The following UBR4 variants were observed in gnomAD, a reference collection of about 807,000 sequenced individuals.
UBR4 encodes ubiquitin protein ligase E3 component n-recognin 4, also known as E3 ubiquitin-protein ligase UBR4.
UBR4 carries 124 observed loss-of-function variants against 575.6 expected under a neutral mutation model. The ratio of observed to expected loss-of-function variants is 0.22; its 90% CI spans 0.19 to 0.25. The LOEUF (loss-of-function observed/expected upper bound fraction) is 0.25, where lower values mean the gene tolerates loss of function less well. Ranked by LOEUF, UBR4 falls within the 10% of genes least tolerant of loss-of-function variation. The pLI is 1.00. For synonymous variants in UBR4, 2,455 were observed against 2,473.7 expected, an observed-to-expected ratio of 0.99 and a Z score of 0.22; for missense variants, 4,818 against 6,478.8, an observed-to-expected ratio of 0.74 and a Z score of 8.80.
At chr1:19,190,312 A>AAAAAAAAAAAAAAAAAAAATAT in intron 11 of UBR4, among the ~76,000 whole-genome samples, 6 of 79,914 alleles carry the variant, frequency 7.5e-5, no homozygotes, top group African/African-American at 3.2e-4. Flanking sequence ...AAAAAAAAAA[A>AAAAAAAAAAAAAAAAAAAATAT]ATATATATAT....
At chr1:19,156,704 A>T in intron 41 of UBR4, 63 bp downstream of exon 41, 1 of 1,556,002 alleles carries the variant, frequency 6.4e-7, no homozygotes, top group Non-Finnish European at 8.7e-7. Flanking sequence ...TTCTGAGAAC[A>T]GGGGAGAGAA....
chr1:19,150,939 CA>C, intron 48 of UBR4, 146 bp from the exon 49 acceptor site: 1 of 824,830 alleles, frequency 1.2e-6, no homozygotes. Flanking sequence ...ATATTTGCAG[CA>C]CTTTAATCGT....
At chr1:19,155,194 T>A (rs2086279431) in intron 43 of UBR4, 119 bp from the exon 44 acceptor site, 1 of 1,352,616 alleles carries the variant, frequency 7.4e-7, no homozygotes, top group Non-Finnish European at 1.0e-6. Context: ...AAGCATGAGA[T>A]CCCTGTGGGT....
Position 19,112,534 on chromosome 1 carries a change from G to C in UBR4, c.11791C>G (p.Leu3931Val), listed in dbSNP as rs747849656. Reference sequence around the variant, plus strand: ...GGTGTAGGTACTGACCGAGTTAGGAGGCACATGAGCTGGCGGACCTCCTCC... The same window carrying C: ...GGTGTAGGTACTGACCGAGTTAGGACGCACATGAGCTGGCGGACCTCCTCC... ...MREEVRQLMC[L>V]LTRDNPEATQ... The change falls in exon 78 of 106, where the codon CTC becomes GTC. Residue 3931 changes from leucine (L) to valine (V), a missense_variant. Leu to Val is a conservative substitution (Grantham distance 32). Coordinates refer to ENST00000375254, the MANE Select transcript of UBR4 (RefSeq NM_020765.3). 1 of 1,610,566 alleles carries C rather than the reference G, an allele frequency of 6.2e-7. No homozygotes were observed. The highest frequency in any genetic ancestry group is 1.3e-5 in the African/African-American group (1 of 74,922).
In UBR4 at chr1:19,174,447, C is replaced by G; in HGVS notation, c.2854G>C (p.Ala952Pro). Residue 952 changes from alanine to proline, a missense_variant and splice_region_variant, in exon 22 of 106, where the codon GCA becomes CCA. By Grantham distance (27) the Ala-to-Pro change is conservative. Transcript: ENST00000375254. ...EDDLNRLDSV[A>P]CDVLFSKLVK... ...AGCTTGGAGAAAAGGACGTCACATG[C>G]CTGACATCAAGAAAGAAAGAGAGTC... The G allele has an allele frequency of 6.2e-7, 1 of 1,607,834 alleles. No individual in the cohort carries two copies. Among genetic ancestry groups the G allele is most frequent in the Non-Finnish European group, 8.5e-7 (1 of 1,179,744 alleles).
chr1:19,081,714 T>C (rs764618137), intron 102 of UBR4, 141 bp from the exon 103 acceptor site: 1 of 903,010 alleles, frequency 1.1e-6, no homozygotes, highest in African/African-American at 1.6e-5. Context: ...CCACCCATCC[T>C]TGCCGACTAC....
chr1:19,193,537 T>C lies in UBR4; in HGVS notation c.1039A>G (p.Met347Val). The C allele has an allele frequency of 2.5e-6, 4 of 1,614,002 alleles. No individual in the cohort carries two copies. The highest frequency in any genetic ancestry group is 3.4e-6 in the Non-Finnish European group (4 of 1,179,914). Residue 347 changes from methionine (M) to valine (V), a missense_variant, in exon 9 of 106, where the codon ATG becomes GTG. Physicochemically the swap from Met to Val is conservative, Grantham distance 21 (BLOSUM62 1). Transcript: ENST00000375254. ...GCACTACCCACATGGAGGATGGCCA[T>C]GCACGTTGCCACACTCACACCTGAA... Reference protein sequence around the residue: ...LYAGVSVATCMAILHVGSAQQ... With the variant: ...LYAGVSVATCVAILHVGSAQQ...
chr1:19,159,602 CCTT>C (rs1179569733), intron 39 of UBR4, among the ~76,000 whole-genome samples: 1 of 151,008 alleles, frequency 6.6e-6, no homozygotes, highest in Admixed American at 6.6e-5. Context: ...CAGCCCCACT[CCTT>C]TTTTTTTTTT....
intron 70 of UBR4, 53 bp downstream of exon 70, chr1:19,119,503 GA>G: frequency 1.9e-6 from 3 of 1,584,810 alleles, no homozygotes; most frequent in Non-Finnish European, 1.7e-6. Flanking sequence ...TAACTCAAGA[GA>G]AAAAAGGTTA....
chr1:19,093,548 C>T lies in UBR4; in HGVS notation c.13938-62G>A, dbSNP rs530285941. On this transcript the variant is annotated intron_variant, in intron 95 of 105. Transcript: ENST00000375254. The surrounding 1 kb of genome is among the most constrained non-coding windows in gnomAD (Gnocchi z 4.8). ...CGGGACAAAACCCAGTCATGTCACC[C>T]TCTTGGTTAACAACTGTCAACAGCC... 4.8e-4 allele frequency: 757 copies of T among 1,562,622 alleles called. No individual in the cohort carries two copies. Among genetic ancestry groups the T allele is most frequent in the African/African-American group, 3.6e-3 (265 of 73,814 alleles).
In UBR4 at chr1:19,164,920, G is replaced by A; in HGVS notation, c.4390C>T (p.Leu1464=). The change falls in exon 32 of 106, where the codon CTG becomes TTG. Residue 1464 remains leucine, a synonymous_variant. Coordinates refer to ENST00000375254, the MANE Select transcript of UBR4 (RefSeq NM_020765.3). ...GTCATGCGGGTGAGCCAGGCCTGCA[G>A]GCGCACAGGTTCCACACAGGCCAGT... The part of the protein sequence containing the change: ...AQLACVEPVR[L]QAWLTRMTTS... 1.2e-6 allele frequency: 2 copies of A among 1,614,184 alleles called. No homozygotes were observed. The highest frequency in any genetic ancestry group is 2.2e-5 in the South Asian group (2 of 91,090).
At chr1:19,195,388 C>A (rs2092392314) in intron 8 of UBR4, among the ~76,000 whole-genome samples, 1 of 151,562 alleles carries the variant, frequency 6.6e-6, no homozygotes, top group Non-Finnish European at 1.5e-5. Context: ...ATAGCCAAAT[C>A]CCTTTCCTTA....
intron 27 of UBR4, 151 bp from the exon 28 acceptor site, chr1:19,168,335 G>A: frequency 1.5e-6 from 1 of 674,014 alleles, no homozygotes; most frequent in Middle Eastern, 3.1e-4. Flanking sequence ...ATGCTGGGAA[G>A]GGAAGTGGGG....
chr1:19,182,295 A>C (rs1005976246), intron 17 of UBR4, among the ~76,000 whole-genome samples: 1 of 151,810 alleles, frequency 6.6e-6, no homozygotes, highest in Non-Finnish European at 1.5e-5. Context: ...CCCGGCTTTC[A>C]TTTCTTCTGG....
intron 18 of UBR4, among the ~76,000 whole-genome samples, chr1:19,178,692 A>G (rs1019028740): frequency 2.0e-5 from 3 of 152,190 alleles, no homozygotes; most frequent in Non-Finnish European, 4.4e-5. Flanking sequence ...TCCAAAAAAC[A>G]CTGCAAGTGC....
intron 71 of UBR4, chr1:19,118,648 T>C: frequency 1.8e-6 from 1 of 567,610 alleles, no homozygotes; most frequent in Non-Finnish European, 3.1e-6. Context: ...TATACAGACC[T>C]TTCTACATTA....
In UBR4 at chr1:19,162,429, A is replaced by G; in HGVS notation, c.4947T>C (p.Ala1649=). 5 of 1,613,092 alleles carry G rather than the reference A, an allele frequency of 3.1e-6. No individual in the cohort carries two copies. Among genetic ancestry groups the G allele is most frequent in the Non-Finnish European group, 4.2e-6 (5 of 1,179,678 alleles). The change falls in exon 35 of 106, where the codon GCT becomes GCC. Residue 1649 remains alanine, a synonymous_variant. Coordinates refer to ENST00000375254, the MANE Select transcript of UBR4 (RefSeq NM_020765.3). ...ELAVEEEDSQ[A]EDSDEDSLCN... Reference sequence around the variant, plus strand: ...GTTACTTAGTACTTACTGAATCCTCAGCCTGGGAATCTTCCTCTTCCACCG... The same window carrying G: ...GTTACTTAGTACTTACTGAATCCTCGGCCTGGGAATCTTCCTCTTCCACCG...
In UBR4 at chr1:19,152,244, T is replaced by C. The variant is rs530388229; in HGVS notation, c.6996+69A>G. 7.0e-6 allele frequency: 11 copies of C among 1,580,206 alleles called. No individual in the cohort carries two copies. The highest frequency in any genetic ancestry group is 3.4e-5 in the Admixed American group (2 of 58,662). On this transcript the variant is annotated intron_variant, in intron 47 of 105. Coordinates refer to ENST00000375254, the MANE Select transcript of UBR4 (RefSeq NM_020765.3). This position sits in a 1 kb window ranked among gnomAD's most constrained non-coding sequence, Gnocchi z 4.4. ...TCTATACTTGCTTTCTAAAAGGAGATGTGTTCTCAAACCATATTGTTTGAG... is the reference window on the plus strand; with the variant it reads ...TCTATACTTGCTTTCTAAAAGGAGACGTGTTCTCAAACCATATTGTTTGAG...
Position 19,100,160 on chromosome 1 carries a change from C to A in UBR4, c.13221+216G>T. The A allele has an allele frequency of 1.4e-5, 8 of 579,864 alleles. No homozygotes were observed. The highest frequency in any genetic ancestry group is 2.4e-5 in the Non-Finnish European group (8 of 328,474). 35.9% of individuals were successfully genotyped at this position (579,864 alleles called of 1,614,324 possible). A position where few individuals can be genotyped will look rare whatever the true frequency, so the allele number is the denominator to read the frequency against. ...ACAGCCATTAACAATATGCTTACTT[C>A]CTGCCAGGCACTGGGCAGAGCCCTT... is the stretch of plus-strand genomic sequence containing the variant. On this transcript the variant is annotated intron_variant, in intron 89 of 105. Coordinates refer to ENST00000375254, the MANE Select transcript of UBR4 (RefSeq NM_020765.3). This position sits in a 1 kb window ranked among gnomAD's most constrained non-coding sequence, Gnocchi z 4.2.
Sources: allele counts gnomAD v4.1 joint callset (sites outside exome capture counted in the v4.1 genomes callset), GRCh38; gene constraint gnomAD v4.1.1; non-coding constraint Gnocchi (gnomAD v3.1); transcripts MANE v1.5; gene names NCBI Gene and HGNC (gene_info 2026-07-23, HGNC 2026-07-21).